The following MACROD2 variants were observed in gnomAD, a reference collection of about 807,000 sequenced individuals.
The protein encoded by MACROD2 is mono-ADP ribosylhydrolase 2.
In MACROD2, 36 loss-of-function variants were observed where a neutral mutation model predicts 70.4. The ratio of observed to expected loss-of-function variants is 0.51; its 90% CI spans 0.39 to 0.68. MACROD2 has a LOEUF of 0.68. MACROD2 is among the 30% of genes least tolerant of loss of function. The pLI is 0.00. For synonymous variants in MACROD2, 172 were observed against 178.8 expected (o/e 0.96, Z 0.30); for missense variants, 496 against 538.4 (o/e 0.92, Z 0.78).
At chr20:15,403,756 TG>T (rs2045962007) in intron 6 of MACROD2, among the ~76,000 whole-genome samples, 2 of 152,030 alleles carry the variant, frequency 1.3e-5, no homozygotes, top group Admixed American at 1.3e-4. Context: ...ACTTAGCCCA[TG>T]AGATTGCAGA....
chr20:15,276,243 A>G (rs1445018694), intron 6 of MACROD2, among the ~76,000 whole-genome samples: 1 of 152,020 alleles, frequency 6.6e-6, no homozygotes, highest in Non-Finnish European at 1.5e-5. Flanking sequence ...TACTAAAAAT[A>G]CAAGAAATTA....
chr20:14,914,917 G>A (rs16995157), intron 5 of MACROD2, among the ~76,000 whole-genome samples: 1,998 of 152,228 alleles, frequency 0.013, 35 homozygotes, highest in East Asian at 0.056. Context: ...ATATACATGC[G>A]ACAGAGAAAT....
At chr20:15,093,559 A>G (rs1370495610) in intron 5 of MACROD2, among the ~76,000 whole-genome samples, 1 of 152,082 alleles carries the variant, frequency 6.6e-6, no homozygotes, top group East Asian at 1.9e-4. Context: ...GTTTGTTCTG[A>G]TGGATTAATA....
chr20:15,525,421 A>T (rs2047708853), intron 8 of MACROD2, among the ~76,000 whole-genome samples: 1 of 152,222 alleles, frequency 6.6e-6, no homozygotes, highest in African/African-American at 2.4e-5. Context: ...CAGTATGTCC[A>T]GTGTAGGCAA....
intron 8 of MACROD2, among the ~76,000 whole-genome samples, chr20:15,516,325 A>C (rs1009879778): frequency 6.6e-6 from 1 of 152,178 alleles, no homozygotes; most frequent in African/African-American, 2.4e-5. Flanking sequence ...CTTAGATTTC[A>C]TGTGTAATTC....
intron 6 of MACROD2, among the ~76,000 whole-genome samples, chr20:15,232,467 A>G (rs1169245488): frequency 1.3e-5 from 2 of 152,014 alleles, no homozygotes; most frequent in East Asian, 3.9e-4. Flanking sequence ...AACATTTTGT[A>G]ACTTTGGTTT....
At chr20:14,695,496 G>T (rs986185072) in intron 5 of MACROD2, among the ~76,000 whole-genome samples, 1 of 152,156 alleles carries the variant, frequency 6.6e-6, no homozygotes, top group Non-Finnish European at 1.5e-5. Context: ...CAGGACACAG[G>T]CATAACTATC....
intron 6 of MACROD2, among the ~76,000 whole-genome samples, chr20:15,362,443 A>G (rs1191456954): frequency 6.6e-6 from 1 of 151,948 alleles, no homozygotes; most frequent in African/African-American, 2.4e-5. Context: ...TTATAGGTAT[A>G]CTGTATTAAG....
At chr20:14,137,044 C>T (rs1013490575) in intron 3 of MACROD2, among the ~76,000 whole-genome samples, 1 of 152,100 alleles carries the variant, frequency 6.6e-6, no homozygotes, top group African/African-American at 2.4e-5. Context: ...GCACATCTCA[C>T]TGGATTTCAA....
At chr20:14,908,055 T>C (rs1222725981) in intron 5 of MACROD2, among the ~76,000 whole-genome samples, 1 of 152,118 alleles carries the variant, frequency 6.6e-6, no homozygotes, top group Non-Finnish European at 1.5e-5. Context: ...TTCAAAAGTG[T>C]ATTGTCAGCC....
intron 3 of MACROD2, among the ~76,000 whole-genome samples, chr20:14,244,370 T>C (rs1432328658): frequency 6.6e-6 from 1 of 152,046 alleles, no homozygotes; most frequent in African/African-American, 2.4e-5. Flanking sequence ...TATCCAGTTA[T>C]TTTCTGGGGT....
intron 3 of MACROD2, among the ~76,000 whole-genome samples, chr20:14,290,201 T>C (rs2082374837): frequency 6.6e-6 from 1 of 152,216 alleles, no homozygotes; most frequent in Admixed American, 6.5e-5. Flanking sequence ...AAATAATCTG[T>C]ACACCAAACC....
At chr20:15,176,542 C>T (rs993169255) in intron 5 of MACROD2, among the ~76,000 whole-genome samples, 7 of 152,158 alleles carry the variant, frequency 4.6e-5, no homozygotes, top group Non-Finnish European at 1.0e-4. Context: ...TACGAGTCTC[C>T]TCTCTGCTGA....
chr20:14,275,730 C>T (rs11699485), intron 3 of MACROD2, among the ~76,000 whole-genome samples: 89,248 of 144,648 alleles, frequency 0.62, 28,324 homozygotes, highest in Non-Finnish European at 0.73. Context: ...ACAACCTACT[C>T]ATCTGACAAA....
intron 3 of MACROD2, among the ~76,000 whole-genome samples, chr20:14,476,424 C>T (rs2084595316): frequency 6.6e-6 from 1 of 152,204 alleles, no homozygotes; most frequent in Non-Finnish European, 1.5e-5. Flanking sequence ...GGCGCAATCT[C>T]AGCTCATTGC....
intron 6 of MACROD2, among the ~76,000 whole-genome samples, chr20:15,311,243 A>G (rs763517738): frequency 3.3e-5 from 5 of 152,232 alleles, no homozygotes; most frequent in Non-Finnish European, 5.9e-5. Context: ...AAGAACGTGC[A>G]GAGAATAGTA....
rs377283906 is a variant in MACROD2 at position 14,832,615 on chromosome 20, A to G, written c.418+147656A>G. On this transcript the variant is annotated intron_variant, in intron 5 of 17. Transcript: ENST00000684519. ...CTCAAGGGAATCCAACACAGTCAGGATGCATCCCCAAGAGATTGTAAATAC... is the reference window on the plus strand; with the variant it reads ...CTCAAGGGAATCCAACACAGTCAGGGTGCATCCCCAAGAGATTGTAAATAC... Among the ~76,000 whole-genome samples, 208 of 152,228 alleles carry G rather than the reference A, an allele frequency of 1.4e-3. 8 individuals are homozygous for G. In the South Asian group the frequency reaches 0.04, roughly 29 times the overall value.
At chr20:14,940,288 C>T (rs547295054) in intron 5 of MACROD2, among the ~76,000 whole-genome samples, 88 of 151,894 alleles carry the variant, frequency 5.8e-4, no homozygotes, top group Non-Finnish European at 9.9e-4. Context: ...GAGAGGTGAT[C>T]GCACCACTGC....
intron 3 of MACROD2, among the ~76,000 whole-genome samples, chr20:14,152,778 G>A (rs2055042882): frequency 6.6e-6 from 1 of 152,150 alleles, no homozygotes; most frequent in Non-Finnish European, 1.5e-5. Flanking sequence ...TCCAGGTACT[G>A]ATGCTTGTAT....
Sources: gnomAD v4.1 joint callset for allele counts (sites outside exome capture counted in the v4.1 genomes callset) on GRCh38, gnomAD v4.1.1 for gene constraint, MANE v1.5 for transcripts, NCBI Gene and HGNC (gene_info 2026-07-23, HGNC 2026-07-21) for gene names.